The following KNTC1 variants were observed in gnomAD, a reference collection of about 807,000 sequenced individuals.
KNTC1 encodes the protein kinetochore associated 1, also known as kinetochore-associated protein 1.
In KNTC1, 253 loss-of-function variants were observed where a neutral mutation model predicts 314.4. The ratio of observed to expected loss-of-function variants is 0.80; its 90% CI spans 0.73 to 0.89. KNTC1 has a LOEUF of 0.89. Ranked by LOEUF, KNTC1 falls within the 40% of genes least tolerant of loss-of-function variation. The pLI, the probability that KNTC1 is intolerant of heterozygous loss-of-function variation, is 0.00. For missense variants in KNTC1, 2,475 were observed against 2,572.9 expected (o/e 0.96, Z 0.82); for synonymous variants, 901 against 901.4 (o/e 1.00, Z 0.01).
In KNTC1 at chr12:122,574,604, G is replaced by A. The variant is rs948345359; in HGVS notation, c.2382+224G>A. Among the ~76,000 whole-genome samples the A allele has an allele frequency of 4.6e-5, 7 of 152,278 alleles. No homozygotes were observed. The South Asian group carries it at 6.2e-4, about 14-fold the overall frequency. On this transcript the variant is annotated intron_variant, in intron 27 of 63. Coordinates refer to ENST00000333479, the MANE Select transcript of KNTC1 (RefSeq NM_014708.6). ...CTCCTGAGTAGTTAGGACCATAGGC[G>A]TGTGCCACTACGCCCAGCTAATTTT...
At chr12:122,542,013 CA>C (rs756883295) in intron 5 of KNTC1, 36 bp from the exon 6 acceptor site, 83 of 1,481,124 alleles carry the variant, frequency 5.6e-5, no homozygotes, top group Admixed American at 1.2e-4. Context: ...GACTCCATCT[CA>C]AAAAAAAGAA....
chr12:122,575,721 G>A, intron 28 of KNTC1, 75 bp downstream of exon 28: 1 of 1,481,800 alleles, frequency 6.7e-7, no homozygotes, highest in South Asian at 1.2e-5. Context: ...GTTCATTTAT[G>A]TTTCTATATT....
chr12:122,614,411 T>C (rs959827970), intron 55 of KNTC1, among the ~76,000 whole-genome samples: 7 of 152,040 alleles, frequency 4.6e-5, no homozygotes, highest in Admixed American at 1.3e-4. Flanking sequence ...TCTGAGTCAG[T>C]TGGAGGCTGG....
At chr12:122,614,025 T>G (rs1232160526) in intron 55 of KNTC1, among the ~76,000 whole-genome samples, 1 of 152,130 alleles carries the variant, frequency 6.6e-6, no homozygotes, top group African/African-American at 2.4e-5. Flanking sequence ...GAGATGAGGT[T>G]TCACCATATT....
chr12:122,614,368 TC>T (rs1873527902), intron 55 of KNTC1, among the ~76,000 whole-genome samples: 1 of 152,140 alleles, frequency 6.6e-6, no homozygotes, highest in African/African-American at 2.4e-5. Context: ...GGATGTCATT[TC>T]TCTTCCTCTT....
intron 43 of KNTC1, among the ~76,000 whole-genome samples, chr12:122,594,928 G>C (rs1870820142): frequency 6.6e-6 from 1 of 151,936 alleles, no homozygotes; most frequent in Admixed American, 6.6e-5. Context: ...TGTCACCCAG[G>C]CTGGAGTGCA....
Position 122,547,958 on chromosome 12 carries a change from G to C in KNTC1, c.976G>C (p.Ala326Pro), listed in dbSNP as rs116477881. 6.0e-4 allele frequency: 934 copies of C among 1,550,464 alleles called. 7 individuals are homozygous for C. The African/African-American group carries it at 0.012, about 20-fold the overall frequency. ...NLKLIALTAS[A>P]NKKMKNLMVY... ...CAAATTAATAGCTCTGACAGCTTCA[G>C]CTAATAAGAAGGTATTGGAAAATTT... Residue 326 changes from alanine to proline, a missense_variant, in exon 12 of 64, where the codon GCT becomes CCT. Ala to Pro is a conservative substitution (Grantham distance 27, BLOSUM62 -1). Coordinates refer to ENST00000333479, the MANE Select transcript of KNTC1 (RefSeq NM_014708.6).
intron 43 of KNTC1, among the ~76,000 whole-genome samples, chr12:122,596,858 A>T (rs1427505493): frequency 6.6e-6 from 1 of 152,108 alleles, no homozygotes; most frequent in Non-Finnish European, 1.5e-5. Context: ...ACAAAAAAAA[A>T]TCCAATTTTT....
At chr12:122,593,404 C>T (rs149387833) in intron 42 of KNTC1, 2,938 of 152,058 alleles carry the variant, frequency 0.019, 47 homozygotes, top group Non-Finnish European at 0.032. Flanking sequence ...GCTGGGACTA[C>T]AGGCATGCAC....
At chr12:122,568,043 A>G (rs1964458458) in intron 20 of KNTC1, among the ~76,000 whole-genome samples, 1 of 152,214 alleles carries the variant, frequency 6.6e-6, no homozygotes, top group African/African-American at 2.4e-5. Flanking sequence ...ATAGGAAGCT[A>G]CATGGCTCTG....
At position 122,551,412 on chromosome 12, in the gene KNTC1, A is replaced by G. The variant is rs371422821; in HGVS notation, c.1131-46A>G. On this transcript the variant is annotated intron_variant, in intron 14 of 63. Transcript: ENST00000333479. ...GTAATAGCTATGTTAAATTTTACGT[A>G]TTAATATTAAAAGACAAGCGCATTT... 1.2e-4 allele frequency: 188 copies of G among 1,561,024 alleles called. 2 individuals are homozygous for G. The African/African-American group carries it at 2.3e-3, about 19-fold the overall frequency.
At chr12:122,580,269 A>T (rs774393016) in intron 32 of KNTC1, among the ~76,000 whole-genome samples, 1 of 152,172 alleles carries the variant, frequency 6.6e-6, no homozygotes, top group Non-Finnish European at 1.5e-5. Flanking sequence ...CTCATTTATC[A>T]GTTGCTTATG....
chr12:122,572,319 G>A lies in KNTC1; in HGVS notation c.2020-618G>A, dbSNP rs189914151. ...CTGCGGCAGGAGAATCGCTTGAAAC[G>A]GGGAGGCAGAGGTTGCAGTGAGCCG... On this transcript the variant is annotated intron_variant, in intron 24 of 63. Coordinates refer to ENST00000333479, the MANE Select transcript of KNTC1 (RefSeq NM_014708.6). Among the ~76,000 whole-genome samples the A allele has an allele frequency of 3.3e-5, 5 of 152,048 alleles. No homozygotes were observed. The South Asian group carries it at 6.2e-4, about 19-fold the overall frequency.
chr12:122,604,984 A>G lies in KNTC1; in HGVS notation c.5283A>G (p.Glu1761=), dbSNP rs762928051. Residue 1761 remains glutamate (E), a synonymous_variant, in exon 50 of 64, where the codon GAA becomes GAG. Coordinates refer to ENST00000333479, the MANE Select transcript of KNTC1 (RefSeq NM_014708.6). ...TAGCCCACAAGCTGAACACTGAGGA[A>G]TATTTAAGAGTGATCGGAAAGCCAG... ...VLIAHKLNTE[E]YLRVIGKPAH... 3.7e-6 allele frequency: 6 copies of G among 1,613,158 alleles called. No individual in the cohort carries two copies. The Admixed American group carries it at 1.0e-4, about 27-fold the overall frequency.
intron 18 of KNTC1, among the ~76,000 whole-genome samples, chr12:122,559,013 T>C (rs1428530309): frequency 1.3e-5 from 2 of 152,188 alleles, no homozygotes; most frequent in Non-Finnish European, 2.9e-5. Flanking sequence ...TGGAATCATA[T>C]ATGTCTCCTT....
chr12:122,611,908 A>G (rs1873168420), intron 53 of KNTC1: 1 of 148,040 alleles, frequency 6.8e-6, no homozygotes, highest in African/African-American at 2.6e-5. Context: ...GGTTTTTAGA[A>G]CTTTGTGGAT....
At position 122,557,474 on chromosome 12, in the gene KNTC1, G is replaced by A; in HGVS notation, c.1363G>A (p.Val455Ile). 1.2e-6 allele frequency: 2 copies of A among 1,613,864 alleles called. No individual in the cohort carries two copies. Among genetic ancestry groups the A allele is most frequent in the Non-Finnish European group, 1.7e-6 (2 of 1,179,816 alleles). ...ASEQTEWQQL[V>I]DDAKENLHKI... ...TGAACAGACCGAATGGCAACAACTT[G>A]TAGACGACGCTAAGGAAAATCTACA... The change falls in exon 17 of 64, where the codon GTA (valine) becomes ATA (isoleucine). Residue 455 changes from valine to isoleucine, a missense_variant. Val to Ile is a conservative substitution (Grantham distance 29). Coordinates refer to ENST00000333479, the MANE Select transcript of KNTC1 (RefSeq NM_014708.6).
chr12:122,564,142 T>A (rs1964156473), intron 20 of KNTC1, among the ~76,000 whole-genome samples: 1 of 152,050 alleles, frequency 6.6e-6, no homozygotes, highest in Admixed American at 6.6e-5. Context: ...CACGCCTGGC[T>A]AATTTTTGTA....
Position 122,613,680 on chromosome 12 carries a change from C to G in KNTC1, c.5796C>G (p.Pro1932=). 1 of 1,612,736 alleles carries G rather than the reference C, an allele frequency of 6.2e-7. No individual in the cohort carries two copies. The highest frequency in any genetic ancestry group is 8.5e-7 in the Non-Finnish European group (1 of 1,179,288). ...FLASFETLNI[P]ITYELFCSSP... is the part of the protein sequence containing the mutation. ...CATCATTTGAGACTTTGAATATCCCCATCACATATGAATTATTTTGCAGCA... is the reference window on the plus strand; with the variant it reads ...CATCATTTGAGACTTTGAATATCCCGATCACATATGAATTATTTTGCAGCA... Residue 1932 remains proline, a synonymous_variant, in exon 55 of 64, where the codon CCC becomes CCG. Transcript: ENST00000333479.
Sources: gnomAD v4.1 joint callset for allele counts (sites outside exome capture counted in the v4.1 genomes callset) on GRCh38, gnomAD v4.1.1 for gene constraint, MANE v1.5 for transcripts, NCBI Gene and HGNC (gene_info 2026-07-23, HGNC 2026-07-21) for gene names.